The following WARS2 variants were observed in gnomAD, a reference collection of about 807,000 sequenced individuals.
WARS2 encodes the protein tryptophanyl tRNA synthetase 2, mitochondrial.
WARS2 carries 28 observed loss-of-function variants against 36.5 expected under a neutral mutation model. That is an observed-to-expected ratio of 0.77 (90% confidence interval 0.57 to 1.05). The LOEUF is 1.05. WARS2 is among the 50% of genes least tolerant of loss of function. WARS2 has a pLI of 0.00. For missense variants in WARS2, 435 were observed against 456.8 expected (o/e 0.95, Z 0.44); for synonymous variants, 174 against 178.4 (o/e 0.98, Z 0.20).
intron 1 of WARS2, among the ~76,000 whole-genome samples, chr1:119,083,861 A>C (rs1387432450): frequency 1.3e-5 from 2 of 152,360 alleles, no homozygotes; most frequent in East Asian, 3.9e-4. Flanking sequence ...TGCTAAACCA[A>C]ATCAGCAAGT....
At chr1:119,040,081 G>A (rs567803875) in intron 4 of WARS2, among the ~76,000 whole-genome samples, 2 of 152,304 alleles carry the variant, frequency 1.3e-5, no homozygotes, top group South Asian at 4.1e-4. Context: ...TCAAACCTGA[G>A]TTTAAATCCT....
intron 1 of WARS2, among the ~76,000 whole-genome samples, chr1:119,109,616 A>C (rs906145068): frequency 6.6e-6 from 1 of 151,922 alleles, no homozygotes; most frequent in Admixed American, 6.6e-5. Flanking sequence ...CTTGTAGACA[A>C]CATAAGTTGA....
intron 1 of WARS2, among the ~76,000 whole-genome samples, chr1:119,101,580 C>A (rs1283954146): frequency 6.6e-6 from 1 of 152,194 alleles, no homozygotes; most frequent in East Asian, 1.9e-4. Flanking sequence ...TCATCAAAAT[C>A]TTTTACTGAA....
intron 1 of WARS2, among the ~76,000 whole-genome samples, chr1:119,105,769 GGT>G (rs1557983909): frequency 6.6e-6 from 1 of 152,088 alleles, no homozygotes. Context: ...AAAATTAGCC[GGT>G]GTGGTAATGC....
At chr1:119,085,145 G>T in intron 1 of WARS2, 1 of 788,780 alleles carries the variant, frequency 1.3e-6, no homozygotes. Flanking sequence ...TAGAAAGTGT[G>T]CCTGAGCTCC....
At chr1:119,093,381 T>C (rs1202048377) in intron 1 of WARS2, among the ~76,000 whole-genome samples, 1 of 151,512 alleles carries the variant, frequency 6.6e-6, no homozygotes, top group East Asian at 1.9e-4. Context: ...GGTTGAATTA[T>C]GTCCCTCCAA....
At chr1:119,043,414 C>A (rs1648537147) in intron 3 of WARS2, among the ~76,000 whole-genome samples, 1 of 152,176 alleles carries the variant, frequency 6.6e-6, no homozygotes, top group South Asian at 2.1e-4. Flanking sequence ...AAGGTGCAGA[C>A]ATATTTTTTA....
At chr1:119,082,062 G>C (rs1193371928) in intron 1 of WARS2, among the ~76,000 whole-genome samples, 2 of 152,004 alleles carry the variant, frequency 1.3e-5, no homozygotes, top group African/African-American at 4.8e-5. Context: ...GAGAAAGAAG[G>C]TCCTACATCA....
intron 2 of WARS2, among the ~76,000 whole-genome samples, chr1:119,060,686 C>T (rs529609578): frequency 1.3e-5 from 2 of 152,278 alleles, no homozygotes; most frequent in African/African-American, 4.8e-5. Flanking sequence ...GTGTGGTTTA[C>T]TCTTTTAAAA....
chr1:119,121,315 C>T (rs1235076569), intron 1 of WARS2, among the ~76,000 whole-genome samples: 2 of 151,958 alleles, frequency 1.3e-5, no homozygotes, highest in African/African-American at 2.4e-5. Flanking sequence ...AAATAAAATG[C>T]TTAGGAATAT....
chr1:119,136,620 T>G (rs587635301), intron 1 of WARS2, among the ~76,000 whole-genome samples: 1 of 152,332 alleles, frequency 6.6e-6, no homozygotes, highest in Admixed American at 6.5e-5. Flanking sequence ...ACCATGCTGA[T>G]TAGCTCATGT....
intron 3 of WARS2, 38 bp downstream of exon 3, chr1:119,045,544 C>T: frequency 6.5e-7 from 1 of 1,538,650 alleles, no homozygotes; most frequent in Non-Finnish European, 8.9e-7. Context: ...GGAAAAATAG[C>T]TTCTTGTCTG....
Position 119,065,453 on chromosome 1 carries a change from G to A in WARS2, c.348+10897C>T, listed in dbSNP as rs564276502. Among the ~76,000 whole-genome samples, 457 of 151,770 alleles carry A rather than the reference G, an allele frequency of 3.0e-3. 6 individuals carry two copies. Among genetic ancestry groups the A allele is most frequent in the African/African-American group, 0.01 (433 of 41,358 alleles). Reference sequence around the variant, plus strand: ...TTGAGACTAGCCTGGCCAACATGACGAAACCCCGTCTCTACTAGATAAGAA... The same window carrying A: ...TTGAGACTAGCCTGGCCAACATGACAAAACCCCGTCTCTACTAGATAAGAA... On this transcript the variant is annotated intron_variant, in intron 2 of 5. Transcript: ENST00000235521.
At chr1:119,109,317 A>G (rs1654462425) in intron 1 of WARS2, among the ~76,000 whole-genome samples, 1 of 151,876 alleles carries the variant, frequency 6.6e-6, no homozygotes, top group Admixed American at 6.6e-5. Context: ...GAGTGCATTC[A>G]TCTGTTTCTC....
At chr1:119,056,396 A>G (rs536854949) in intron 2 of WARS2, among the ~76,000 whole-genome samples, 88 of 150,652 alleles carry the variant, frequency 5.8e-4, no homozygotes, top group Non-Finnish European at 1.1e-3. Context: ...ACACAATTCC[A>G]TGGGCTTTCC....
At chr1:119,102,301 C>G (rs1391523156) in intron 1 of WARS2, among the ~76,000 whole-genome samples, 2 of 152,178 alleles carry the variant, frequency 1.3e-5, no homozygotes, top group Admixed American at 1.3e-4. Context: ...AATTTTAAAT[C>G]TCCGTCTGCT....
rs1013775446 is a variant in WARS2 at position 119,032,424 on chromosome 1, C to T, written c.*487G>A. ...AGGCACCGTCTCAGTGACAAACAAACTATAAGAATGGACTTGTTTTTATGA... is the reference window on the plus strand; with the variant it reads ...AGGCACCGTCTCAGTGACAAACAAATTATAAGAATGGACTTGTTTTTATGA... On this transcript the variant is annotated 3_prime_UTR_variant, in exon 6 of 6. Coordinates refer to ENST00000235521, the MANE Select transcript of WARS2 (RefSeq NM_015836.4). The T allele has an allele frequency of 1.3e-5, 2 of 153,872 alleles. No homozygotes were observed. The highest frequency in any genetic ancestry group is 2.9e-5 in the Non-Finnish European group (2 of 69,266). 9.5% of individuals were successfully genotyped at this position (153,872 alleles called of 1,614,324 possible).
chr1:119,074,243 G>C (rs1312281823), intron 2 of WARS2, among the ~76,000 whole-genome samples: 5 of 152,224 alleles, frequency 3.3e-5, no homozygotes, highest in Non-Finnish European at 7.3e-5. Context: ...GAGTGCTTTT[G>C]AGATAGGATG....
intron 1 of WARS2, among the ~76,000 whole-genome samples, chr1:119,125,123 C>T (rs1655565311): frequency 2.0e-5 from 3 of 152,212 alleles, no homozygotes; most frequent in African/African-American, 7.2e-5. Flanking sequence ...AATGCTCACT[C>T]TCCTGCAGCC....
Sources: allele counts gnomAD v4.1 joint callset (sites outside exome capture counted in the v4.1 genomes callset), GRCh38; gene constraint gnomAD v4.1.1; transcripts MANE v1.5; gene names NCBI Gene and HGNC (gene_info 2026-07-23, HGNC 2026-07-21).